The following MSRA variants were observed in gnomAD, a reference collection of about 807,000 sequenced individuals.
The protein encoded by MSRA is mitochondrial peptide methionine sulfoxide reductase.
MSRA carries 54 observed loss-of-function variants against 31.3 expected under a neutral mutation model. The ratio of observed to expected loss-of-function variants is 1.73; its 90% CI spans 1.39 to 2.17. The LOEUF (loss-of-function observed/expected upper bound fraction) is 2.17. Among genes scored for constraint, MSRA ranks in the 30% most tolerant of loss-of-function variants. The probability of loss-of-function intolerance (pLI) is 0.00; values close to 1 mark genes in which losing one functional copy is unlikely to be tolerated. For missense variants in MSRA, 507 were observed against 300.9 expected, an observed-to-expected ratio of 1.69 and a Z score of -5.07; for synonymous variants, 169 against 116.5, an observed-to-expected ratio of 1.45 and a Z score of -2.90.
At chr8:10,134,816 G>A (rs1225471442) in intron 1 of MSRA, among the ~76,000 whole-genome samples, 7 of 152,318 alleles carry the variant, frequency 4.6e-5, no homozygotes, top group African/African-American at 4.8e-5. Context: ...TAAACATGCC[G>A]TTGCATTTTC....
chr8:10,263,314 C>A (rs1194223455), intron 3 of MSRA, among the ~76,000 whole-genome samples: 1 of 152,186 alleles, frequency 6.6e-6, no homozygotes, highest in African/African-American at 2.4e-5. Context: ...TTGATTTATC[C>A]TTCATCACCT....
chr8:10,342,795 C>T (rs1009710848), intron 5 of MSRA, among the ~76,000 whole-genome samples: 3 of 152,210 alleles, frequency 2.0e-5, no homozygotes, highest in African/African-American at 4.8e-5. Context: ...GTGGGCTTGC[C>T]CCTGCATCCC....
chr8:10,154,348 A>T (rs1803967374), intron 1 of MSRA, among the ~76,000 whole-genome samples: 1 of 152,072 alleles, frequency 6.6e-6, no homozygotes, highest in Non-Finnish European at 1.5e-5. Context: ...TGGAAGGCTG[A>T]AGGACACATT....
intron 5 of MSRA, among the ~76,000 whole-genome samples, chr8:10,334,966 G>A (rs1202878689): frequency 2.0e-5 from 3 of 152,188 alleles, no homozygotes; most frequent in African/African-American, 7.2e-5. Flanking sequence ...CGGCGAGCCC[G>A]CCCATTGGCT....
intron 2 of MSRA, among the ~76,000 whole-genome samples, chr8:10,225,826 A>G (rs1350937250): frequency 1.3e-5 from 2 of 152,212 alleles, no homozygotes; most frequent in Non-Finnish European, 2.9e-5. Flanking sequence ...TTTACTGACC[A>G]TCTACCGGGT....
At chr8:10,240,634 C>T (rs981780692) in intron 2 of MSRA, among the ~76,000 whole-genome samples, 1 of 152,206 alleles carries the variant, frequency 6.6e-6, no homozygotes, top group African/African-American at 2.4e-5. Context: ...TCTGACTAGG[C>T]AGCCAAGCCA....
chr8:10,107,865 G>C (rs1306045671), intron 1 of MSRA, among the ~76,000 whole-genome samples: 2 of 152,174 alleles, frequency 1.3e-5, no homozygotes, highest in African/African-American at 4.8e-5. Context: ...ATATTGCTAA[G>C]TGATTCTACT....
At chr8:10,408,718 T>G (rs546914005) in intron 5 of MSRA, among the ~76,000 whole-genome samples, 1 of 152,262 alleles carries the variant, frequency 6.6e-6, no homozygotes, top group South Asian at 2.1e-4. Flanking sequence ...ATTAGGTAAT[T>G]TCTCATCCCT....
chr8:10,417,991 C>T lies in MSRA; in HGVS notation c.544-10157C>T, dbSNP rs145770450. 2.9e-3 allele frequency among the ~76,000 whole-genome samples: 434 copies of T among 152,266 alleles called. 3 individuals are homozygous for T. The highest frequency in any genetic ancestry group is 0.014 in the South Asian group (68 of 4,822). On this transcript the variant is annotated intron_variant, in intron 5 of 5. Transcript: ENST00000317173. Reference sequence around the variant, plus strand: ...GCCTGCGAGTTTTCCCCTAAAGCAGCTGTGCTGGCTCCCGGACAGCAGCTT... The same window carrying T: ...GCCTGCGAGTTTTCCCCTAAAGCAGTTGTGCTGGCTCCCGGACAGCAGCTT...
At chr8:10,404,459 C>A (rs990283903) in intron 5 of MSRA, among the ~76,000 whole-genome samples, 1 of 152,230 alleles carries the variant, frequency 6.6e-6, no homozygotes, top group Non-Finnish European at 1.5e-5. Flanking sequence ...TCACGCCCGC[C>A]CACGTGGATG....
At chr8:10,098,838 C>A (rs1335244582) in intron 1 of MSRA, among the ~76,000 whole-genome samples, 1 of 152,196 alleles carries the variant, frequency 6.6e-6, no homozygotes, top group Non-Finnish European at 1.5e-5. Flanking sequence ...AGCCACTGCT[C>A]ACATGCTAGA....
intron 3 of MSRA, among the ~76,000 whole-genome samples, chr8:10,248,568 CGA>C (rs1439840633): frequency 2.6e-5 from 4 of 152,214 alleles, no homozygotes; most frequent in Admixed American, 2.0e-4. Flanking sequence ...GAGAAGTGAG[CGA>C]GAGAGTGTGG....
In MSRA at chr8:10,136,431, C is replaced by T. The variant is rs374164689; in HGVS notation, c.143-71402C>T. ...CTCTGAGCTCCTTGGAGCCACCATTCCTCTCTCGTACGCAAGAAACAAGTC... is the reference window on the plus strand; with the variant it reads ...CTCTGAGCTCCTTGGAGCCACCATTTCTCTCTCGTACGCAAGAAACAAGTC... On this transcript the variant is annotated intron_variant, in intron 1 of 5. Coordinates refer to ENST00000317173, the MANE Select transcript of MSRA (RefSeq NM_012331.5). Among the ~76,000 whole-genome samples the T allele has an allele frequency of 6.2e-4, 94 of 152,332 alleles. 1 individual carries two copies. The highest frequency in any genetic ancestry group is 1.9e-3 in the African/African-American group (79 of 41,576).
chr8:10,208,722 C>G (rs1383395088), intron 2 of MSRA, among the ~76,000 whole-genome samples: 6 of 152,204 alleles, frequency 3.9e-5, no homozygotes, highest in Non-Finnish European at 8.8e-5. Flanking sequence ...ATTCAGCTGC[C>G]TCCCTTGGTT....
intron 1 of MSRA, among the ~76,000 whole-genome samples, chr8:10,069,138 G>T (rs1247352249): frequency 6.6e-6 from 1 of 152,128 alleles, no homozygotes; most frequent in African/African-American, 2.4e-5. Flanking sequence ...CTGCACCCTT[G>T]CTGTAATTTC....
chr8:10,396,066 G>C (rs114728155), intron 5 of MSRA, among the ~76,000 whole-genome samples: 329 of 152,216 alleles, frequency 2.2e-3, no homozygotes, highest in African/African-American at 7.4e-3. Context: ...CTTCCCACAA[G>C]GGCCCTTAGA....
intron 3 of MSRA, among the ~76,000 whole-genome samples, chr8:10,291,005 G>A (rs1264478475): frequency 6.6e-6 from 1 of 152,088 alleles, no homozygotes; most frequent in African/African-American, 2.4e-5. Flanking sequence ...GTTAGCATTG[G>A]GTGCGAAGGC....
At chr8:10,290,584 C>T (rs147152466) in intron 3 of MSRA, among the ~76,000 whole-genome samples, 1 of 152,180 alleles carries the variant, frequency 6.6e-6, no homozygotes, top group African/African-American at 2.4e-5. Context: ...CTGCCCCCAG[C>T]TCTCCTGTAT....
intron 1 of MSRA, among the ~76,000 whole-genome samples, chr8:10,196,918 G>T (rs1808043055): frequency 6.6e-6 from 1 of 152,070 alleles, no homozygotes; most frequent in South Asian, 2.1e-4. Context: ...ATTTGTATAT[G>T]ACTCTTTATA....
Sources: gnomAD v4.1 joint callset for allele counts (sites outside exome capture counted in the v4.1 genomes callset) on GRCh38, gnomAD v4.1.1 for gene constraint, MANE v1.5 for transcripts, NCBI Gene and HGNC (gene_info 2026-07-23, HGNC 2026-07-21) for gene names.